DPH6: variants seen among roughly 807,000 people sequenced by gnomAD.
DPH6 encodes diphthine--ammonia ligase.
Under a neutral mutation model 38.2 loss-of-function variants are expected in DPH6, and 33 were observed. The observed-to-expected ratio is 0.86, with a 90% confidence interval of 0.65 to 1.15. DPH6 has a LOEUF of 1.15. Among genes scored for constraint, DPH6 ranks in the 50% most tolerant of loss-of-function variants. DPH6 has a pLI of 0.00. For missense variants in DPH6, 325 were observed against 320.0 expected (o/e 1.02, Z -0.12); for synonymous variants, 108 against 103.0 (o/e 1.05, Z -0.30).
At chr15:35,250,178 A>C in intron 3 of DPH6, among the ~76,000 whole-genome samples, 1 of 151,836 alleles carries the variant, frequency 6.6e-6, no homozygotes, top group East Asian at 1.9e-4. Context: ...ATTCTGTCTC[A>C]AAAAAACCAA....
chr15:35,394,746 T>C (rs1015067213), intron 6 of DPH6, among the ~76,000 whole-genome samples: 12 of 152,176 alleles, frequency 7.9e-5, no homozygotes, highest in Admixed American at 1.3e-4. Flanking sequence ...ACCAACCTCA[T>C]AGTATAACTG....
intron 3 of DPH6, among the ~76,000 whole-genome samples, chr15:35,273,764 C>G (rs1595456526): frequency 6.6e-6 from 1 of 152,220 alleles, no homozygotes; most frequent in East Asian, 1.9e-4. Flanking sequence ...AGGACACAAA[C>G]AAATGGAAAA....
At chr15:35,282,163 A>T (rs1479906239) in intron 3 of DPH6, among the ~76,000 whole-genome samples, 1 of 151,930 alleles carries the variant, frequency 6.6e-6, no homozygotes, top group Non-Finnish European at 1.5e-5. Flanking sequence ...CAGCTTCTGC[A>T]AATAGTTTTT....
chr15:35,353,082 G>C (rs1413082052), intron 3 of DPH6, among the ~76,000 whole-genome samples: 3 of 152,194 alleles, frequency 2.0e-5, no homozygotes, highest in Admixed American at 6.5e-5. Flanking sequence ...GTCTTCTTTT[G>C]AGAAGTGTCT....
At chr15:35,278,903 C>G (rs112111480) in intron 3 of DPH6, among the ~76,000 whole-genome samples, 4,529 of 151,562 alleles carry the variant, frequency 0.03, 196 homozygotes, top group African/African-American at 0.098. Flanking sequence ...CAAAAAATTA[C>G]GTGGGCGTGG....
At chr15:35,364,356 G>C (rs975998173) in intron 3 of DPH6, among the ~76,000 whole-genome samples, 1 of 151,852 alleles carries the variant, frequency 6.6e-6, no homozygotes, top group African/African-American at 2.4e-5. Flanking sequence ...TATTTTTAAT[G>C]CATTTCCCAG....
intron 3 of DPH6, among the ~76,000 whole-genome samples, chr15:35,264,804 A>G (rs2051773037): frequency 6.6e-6 from 1 of 152,230 alleles, no homozygotes; most frequent in South Asian, 2.1e-4. Context: ...ACTATAATTG[A>G]ATTCCCAATG....
chr15:35,281,686 C>G lies in DPH6; in HGVS notation n.201-61104G>C, dbSNP rs182516634. On this transcript the variant is annotated intron_variant and non_coding_transcript_variant, in intron 3 of 3. Coordinates refer to the DPH6 transcript ENST00000560386. ...TTCCCAGGCTGGGGAGAAAAAGGCTCCAGTCATACATTCATTCCTAAAATA... is the reference window on the plus strand; with the variant it reads ...TTCCCAGGCTGGGGAGAAAAAGGCTGCAGTCATACATTCATTCCTAAAATA... Among the ~76,000 whole-genome samples the G allele has an allele frequency of 3.1e-3, 471 of 152,282 alleles. 3 individuals carry two copies. Among genetic ancestry groups the G allele is most frequent in the Admixed American group, 8.2e-3 (126 of 15,294 alleles).
At chr15:35,238,374 C>T (rs2051572637) in intron 3 of DPH6, among the ~76,000 whole-genome samples, 1 of 151,974 alleles carries the variant, frequency 6.6e-6, no homozygotes, top group African/African-American at 2.4e-5. Flanking sequence ...GAGTAGTTGT[C>T]TTCCTCACTA....
At chr15:35,339,407 C>A (rs2052403133) in intron 3 of DPH6, among the ~76,000 whole-genome samples, 1 of 151,960 alleles carries the variant, frequency 6.6e-6, no homozygotes, top group South Asian at 2.1e-4. Flanking sequence ...TCACTGCAAC[C>A]TCTGCCTCCT....
At chr15:35,206,756 T>G in the DPH6 span, among the ~76,000 whole-genome samples, 3 of 152,210 alleles carry the variant, frequency 2.0e-5, no homozygotes, top group Non-Finnish European at 4.4e-5. Context: ...TGCCAATTAC[T>G]TTAGAAACTA....
Position 35,436,146 on chromosome 15 carries a change from G to T in DPH6, c.505+14539C>A, listed in dbSNP as rs1305903252. Among the ~76,000 whole-genome samples, 4 of 152,018 alleles carry T rather than the reference G, an allele frequency of 2.6e-5. No homozygotes were observed. In the South Asian group the frequency reaches 6.2e-4, roughly 24 times the overall value. Reference sequence around the variant, plus strand: ...GAGTCCCCTCATTCCCTGGCCGAGGGGTCTAGCTCAGTCCGACAGCAATTG... The same window carrying T: ...GAGTCCCCTCATTCCCTGGCCGAGGTGTCTAGCTCAGTCCGACAGCAATTG... On this transcript the variant is annotated intron_variant, in intron 5 of 8. Coordinates refer to ENST00000256538, the MANE Select transcript of DPH6 (RefSeq NM_080650.4).
intron 3 of DPH6, among the ~76,000 whole-genome samples, chr15:35,257,018 G>A (rs1678739737): frequency 6.6e-6 from 1 of 152,126 alleles, no homozygotes; most frequent in African/African-American, 2.4e-5. Context: ...ATAAGAATGG[G>A]GGTGATTTGA....
intron 3 of DPH6, among the ~76,000 whole-genome samples, chr15:35,279,071 AT>A (rs1338224592): frequency 5.3e-5 from 6 of 113,788 alleles, no homozygotes; most frequent in African/African-American, 1.6e-4. Context: ...AAAAAAAAAT[AT>A]ATATATATAT....
chr15:35,388,579 T>A (rs184357229), intron 6 of DPH6, among the ~76,000 whole-genome samples: 1 of 152,202 alleles, frequency 6.6e-6, no homozygotes, highest in Non-Finnish European at 1.5e-5. Context: ...GAAGAGTGTA[T>A]GTGTCCAGGA....
chr15:35,204,807 C>A, the DPH6 span, among the ~76,000 whole-genome samples: 1 of 151,866 alleles, frequency 6.6e-6, no homozygotes, highest in East Asian at 1.9e-4. Context: ...CCTAAAACAA[C>A]CACAACATAA....
intron 5 of DPH6, among the ~76,000 whole-genome samples, chr15:35,449,188 G>A (rs1463945623): frequency 6.6e-6 from 1 of 151,750 alleles, no homozygotes; most frequent in African/African-American, 2.4e-5. Flanking sequence ...TTTCATCTTT[G>A]CACACCTATA....
At chr15:35,298,607 G>T in intron 3 of DPH6, 2 of 848,346 alleles carry the variant, frequency 2.4e-6, no homozygotes, top group Non-Finnish European at 2.1e-6. Context: ...TTTCTCCGTG[G>T]CGTCACCCAC....
chr15:35,251,256 G>A (rs1047884700), intron 3 of DPH6, among the ~76,000 whole-genome samples: 6 of 151,888 alleles, frequency 4.0e-5, no homozygotes, highest in Non-Finnish European at 7.4e-5. Context: ...TTTGTTACAC[G>A]AGTATATTTT....
Sources: gnomAD v4.1 joint callset for allele counts (sites outside exome capture counted in the v4.1 genomes callset) on GRCh38, gnomAD v4.1.1 for gene constraint, MANE v1.5 for transcripts, NCBI Gene and HGNC (gene_info 2026-07-23, HGNC 2026-07-21) for gene names.